PHACTR1: variants seen among roughly 807,000 people sequenced by gnomAD.
PHACTR1 encodes RPEL repeat containing 1.
PHACTR1 carries 16 observed loss-of-function variants against 69.2 expected under a neutral mutation model. The ratio of observed to expected loss-of-function variants is 0.23; its 90% CI spans 0.16 to 0.35. PHACTR1 has a LOEUF of 0.35. PHACTR1 is among the 10% of genes least tolerant of loss of function. The pLI is 1.00. For missense variants in PHACTR1, 510 were observed against 734.7 expected, an observed-to-expected ratio of 0.69 and a Z score of 3.54; for synonymous variants, 312 against 284.5, an observed-to-expected ratio of 1.10 and a Z score of -0.97.
chr6:12,904,534 C>CAAA (rs544410317), intron 4 of PHACTR1, among the ~76,000 whole-genome samples: 3 of 80,074 alleles, frequency 3.7e-5, no homozygotes, highest in African/African-American at 9.1e-5. Context: ...AACTCCATCT[C>CAAA]AAAAAAAAAA....
chr6:13,281,134 T>C, intron 12 of PHACTR1: 1 of 1,287,978 alleles, frequency 7.8e-7, no homozygotes. Context: ...CATTTATGCT[T>C]AGTCTTCGGT....
At chr6:12,967,536 C>T (rs944971601) in intron 4 of PHACTR1, among the ~76,000 whole-genome samples, 5 of 152,182 alleles carry the variant, frequency 3.3e-5, no homozygotes, top group African/African-American at 9.6e-5. Context: ...GAGAGAAAAG[C>T]AATGTTGCTG....
At position 13,179,587 on chromosome 6, in the gene PHACTR1, C is replaced by T. The variant is rs1374527760; in HGVS notation, c.497-2932C>T. On this transcript the variant is annotated intron_variant, in intron 6 of 14. Coordinates refer to ENST00000332995, the MANE Select transcript of PHACTR1 (RefSeq NM_030948.6). This position sits in a 1 kb window ranked among gnomAD's most constrained non-coding sequence, Gnocchi z 4.2. ...AAATGATATTAATAATGAATTTGTA[C>T]TTATTGAATGGTTTTCATTTCTTTC... Among the ~76,000 whole-genome samples the T allele has an allele frequency of 1.3e-5, 2 of 151,792 alleles. No individual in the cohort carries two copies. Among genetic ancestry groups the T allele is most frequent in the African/African-American group, 2.4e-5 (1 of 41,292 alleles).
At chr6:13,193,357 GTATA>G (rs56305254) in intron 7 of PHACTR1, among the ~76,000 whole-genome samples, 2,890 of 68,184 alleles carry the variant, frequency 0.042, 215 homozygotes, top group African/African-American at 0.11. Context: ...AGCTCTCTGT[GTATA>G]TATATATATA....
At chr6:12,905,077 T>C (rs1785582483) in intron 4 of PHACTR1, among the ~76,000 whole-genome samples, 1 of 152,080 alleles carries the variant, frequency 6.6e-6, no homozygotes, top group Admixed American at 6.6e-5. Flanking sequence ...AACGTCAAAA[T>C]CACCTGGGGA....
chr6:12,744,022 A>G (rs940845474), intron 3 of PHACTR1, among the ~76,000 whole-genome samples: 35 of 152,332 alleles, frequency 2.3e-4, no homozygotes, highest in Middle Eastern at 3.4e-3. Flanking sequence ...CCGCTCAACT[A>G]CATGGAAACT....
At chr6:12,849,175 G>A (rs1779578339) in intron 4 of PHACTR1, among the ~76,000 whole-genome samples, 1 of 152,148 alleles carries the variant, frequency 6.6e-6, no homozygotes, top group Admixed American at 6.5e-5. Context: ...AATGACAGAA[G>A]CTCCCTAGGA....
At chr6:13,053,615 GT>G in intron 5 of PHACTR1, 86 bp downstream of exon 5, 4 of 1,445,720 alleles carry the variant, frequency 2.8e-6, no homozygotes, top group Non-Finnish European at 3.7e-6. Flanking sequence ...GCAATAGGCT[GT>G]TTGAACCAAA....
At chr6:13,029,288 G>A (rs553555958) in intron 4 of PHACTR1, among the ~76,000 whole-genome samples, 1 of 152,320 alleles carries the variant, frequency 6.6e-6, no homozygotes, top group African/African-American at 2.4e-5. Flanking sequence ...TGGACTTCAG[G>A]GGATGCCCTG....
chr6:13,027,434 C>T (rs945110595), intron 4 of PHACTR1, among the ~76,000 whole-genome samples: 4 of 152,116 alleles, frequency 2.6e-5, no homozygotes, highest in Admixed American at 6.5e-5. Flanking sequence ...GGCTAGTCCT[C>T]GGGTCCATGT....
At chr6:13,259,098 G>C (rs569952931) in intron 10 of PHACTR1, among the ~76,000 whole-genome samples, 2 of 152,284 alleles carry the variant, frequency 1.3e-5, no homozygotes, top group African/African-American at 4.8e-5. Flanking sequence ...GCATCACAAT[G>C]TTTTGGCACT....
At chr6:12,929,511 A>T (rs940218078) in intron 4 of PHACTR1, among the ~76,000 whole-genome samples, 2 of 152,190 alleles carry the variant, frequency 1.3e-5, no homozygotes, top group Non-Finnish European at 2.9e-5. Flanking sequence ...TCCTCAGATG[A>T]TGCATTGGCC....
intron 3 of PHACTR1, among the ~76,000 whole-genome samples, chr6:12,730,299 A>G (rs1409919246): frequency 6.6e-6 from 1 of 152,210 alleles, no homozygotes; most frequent in Non-Finnish European, 1.5e-5. Flanking sequence ...AGTTTCTTCT[A>G]TAAATACAAA....
At chr6:12,819,387 A>G (rs560078727) in intron 4 of PHACTR1, among the ~76,000 whole-genome samples, 85 of 152,350 alleles carry the variant, frequency 5.6e-4, no homozygotes, top group Admixed American at 6.5e-4. Context: ...ACACTAGAGC[A>G]GCTCAAACAG....
At chr6:13,099,096 G>A (rs112150306) in intron 5 of PHACTR1, among the ~76,000 whole-genome samples, 1,940 of 152,270 alleles carry the variant, frequency 0.013, 38 homozygotes, top group African/African-American at 0.043. Context: ...CTGTGTTTCC[G>A]GCTCTGTGGC....
chr6:13,026,212 C>A (rs1301493084), intron 4 of PHACTR1, among the ~76,000 whole-genome samples: 1 of 152,142 alleles, frequency 6.6e-6, no homozygotes, highest in Non-Finnish European at 1.5e-5. Flanking sequence ...TTGCAGAAAT[C>A]TAAGAGTGCA....
At chr6:12,746,036 G>A (rs1443976722) in intron 3 of PHACTR1, among the ~76,000 whole-genome samples, 1 of 152,178 alleles carries the variant, frequency 6.6e-6, no homozygotes, top group African/African-American at 2.4e-5. Context: ...ATTGGGACAA[G>A]CCCTTAAAAT....
At chr6:12,868,876 T>A (rs115059904) in intron 4 of PHACTR1, among the ~76,000 whole-genome samples, 1 of 152,036 alleles carries the variant, frequency 6.6e-6, no homozygotes, top group Non-Finnish European at 1.5e-5. Flanking sequence ...CAGGAAAATA[T>A]AAGAACCTCA....
At chr6:13,068,728 T>C (rs1389337341) in intron 5 of PHACTR1, among the ~76,000 whole-genome samples, 1 of 152,176 alleles carries the variant, frequency 6.6e-6, no homozygotes, top group East Asian at 1.9e-4. Context: ...GCAAACACAA[T>C]GGCCACTGAG....
Sources: allele counts gnomAD v4.1 joint callset (sites outside exome capture counted in the v4.1 genomes callset), GRCh38; gene constraint gnomAD v4.1.1; non-coding constraint Gnocchi (gnomAD v3.1); transcripts MANE v1.5; gene names NCBI Gene and HGNC (gene_info 2026-07-23, HGNC 2026-07-21).